The following SLIT3 variants were observed in gnomAD, a reference collection of about 807,000 sequenced individuals.
SLIT3 encodes slit homolog 3 protein.
Under a neutral mutation model 184.0 loss-of-function variants are expected in SLIT3, and 68 were observed. That is an observed-to-expected ratio of 0.37 (90% CI 0.30 to 0.45). SLIT3 has a LOEUF of 0.45. Ranked by LOEUF, SLIT3 falls within the 20% of genes least tolerant of loss-of-function variation. The pLI is 1.00. For missense variants in SLIT3, 1,707 were observed against 2,026.0 expected, an observed-to-expected ratio of 0.84 and a Z score of 3.02; for synonymous variants, 831 against 828.6, an observed-to-expected ratio of 1.00 and a Z score of -0.05.
intron 3 of SLIT3, among the ~76,000 whole-genome samples, chr5:169,237,259 G>A (rs573878867): frequency 3.3e-5 from 5 of 151,736 alleles, no homozygotes; most frequent in Admixed American, 6.6e-5. Context: ...AAATTTGCAC[G>A]CATTATAGTT....
At chr5:169,148,720 G>C (rs1468355557) in intron 4 of SLIT3, among the ~76,000 whole-genome samples, 1 of 152,188 alleles carries the variant, frequency 6.6e-6, no homozygotes, top group Non-Finnish European at 1.5e-5. Context: ...TTGGTGCTCA[G>C]TATAAAATGT....
intron 4 of SLIT3, among the ~76,000 whole-genome samples, chr5:169,007,318 T>C (rs1252964630): frequency 2.0e-5 from 3 of 152,220 alleles, no homozygotes; most frequent in African/African-American, 7.2e-5. Flanking sequence ...ATACAACCTG[T>C]ATACTGCCAA....
intron 1 of SLIT3, among the ~76,000 whole-genome samples, chr5:169,271,722 G>A (rs1766623967): frequency 1.3e-5 from 2 of 152,222 alleles, no homozygotes; most frequent in Admixed American, 1.3e-4. Context: ...AAGCTACAGA[G>A]TGCTTCAAAC....
intron 4 of SLIT3, among the ~76,000 whole-genome samples, chr5:169,079,001 TGGA>T (rs1273302690): frequency 1.3e-5 from 2 of 152,218 alleles, no homozygotes; most frequent in Non-Finnish European, 2.9e-5. Flanking sequence ...CACAGAATTC[TGGA>T]GGAGATTGGA....
intron 4 of SLIT3, among the ~76,000 whole-genome samples, chr5:169,089,554 G>A (rs781187107): frequency 6.6e-6 from 1 of 152,046 alleles, no homozygotes; most frequent in African/African-American, 2.4e-5. Flanking sequence ...CCCAAATCCC[G>A]TGCACTCTCT....
chr5:169,282,262 A>G (rs2113648147), intron 1 of SLIT3, among the ~76,000 whole-genome samples: 1 of 152,248 alleles, frequency 6.6e-6, no homozygotes, highest in South Asian at 2.1e-4. Flanking sequence ...CTGTCACCTC[A>G]ATATATTTCC....
chr5:169,022,919 A>G (rs1398049139), intron 4 of SLIT3: 1 of 152,188 alleles, frequency 6.6e-6, no homozygotes, highest in Non-Finnish European at 1.5e-5. Context: ...TTTGTTCCAC[A>G]AGAAAATGGG....
chr5:168,848,768 T>C (rs1206477154), intron 5 of SLIT3, among the ~76,000 whole-genome samples: 1 of 152,026 alleles, frequency 6.6e-6, no homozygotes, highest in Non-Finnish European at 1.5e-5. Flanking sequence ...CCAGCGTGAG[T>C]GAGGACTTAA....
chr5:168,765,493 G>A (rs539034696), intron 14 of SLIT3, among the ~76,000 whole-genome samples: 2 of 152,064 alleles, frequency 1.3e-5, no homozygotes, highest in Admixed American at 6.5e-5. Flanking sequence ...GAAAAAGTTC[G>A]TTCCCCAGTC....
At chr5:169,077,573 TA>T (rs560604942) in intron 4 of SLIT3, among the ~76,000 whole-genome samples, 1 of 151,838 alleles carries the variant, frequency 6.6e-6, no homozygotes, top group South Asian at 2.1e-4. Flanking sequence ...AAAACAGTAA[TA>T]CATATAAAAT....
intron 4 of SLIT3, among the ~76,000 whole-genome samples, chr5:169,054,421 C>T (rs1757920403): frequency 6.6e-6 from 1 of 152,072 alleles, no homozygotes. Flanking sequence ...TGAGAGAATA[C>T]ATTTCCATTG....
intron 3 of SLIT3, among the ~76,000 whole-genome samples, chr5:169,197,366 A>G (rs993608304): frequency 6.6e-6 from 1 of 152,080 alleles, no homozygotes; most frequent in African/African-American, 2.4e-5. Flanking sequence ...ACTCATATTT[A>G]CTGAGTAAAT....
At chr5:169,213,728 A>C (rs972185958) in intron 3 of SLIT3, among the ~76,000 whole-genome samples, 1 of 152,238 alleles carries the variant, frequency 6.6e-6, no homozygotes, top group African/African-American at 2.4e-5. Context: ...TCCCACTAGA[A>C]TATAAATTCC....
intron 4 of SLIT3, among the ~76,000 whole-genome samples, chr5:169,103,289 T>C (rs1417305939): frequency 6.6e-6 from 1 of 152,220 alleles, no homozygotes. Flanking sequence ...TTGTGTAAAA[T>C]AGACAAGTCA....
chr5:169,276,654 G>C (rs999912697), intron 1 of SLIT3, among the ~76,000 whole-genome samples: 6 of 152,158 alleles, frequency 3.9e-5, no homozygotes, highest in Admixed American at 6.5e-5. Context: ...TATCATCTTT[G>C]TGTTCCACAG....
intron 20 of SLIT3, among the ~76,000 whole-genome samples, chr5:168,726,910 C>T (rs1307875860): frequency 2.0e-5 from 3 of 151,734 alleles, no homozygotes; most frequent in Non-Finnish European, 4.4e-5. Flanking sequence ...ACTCAGGCGG[C>T]TGAGGCAGGA....
At chr5:169,200,220 C>T (rs1356161879) in intron 3 of SLIT3, among the ~76,000 whole-genome samples, 1 of 152,228 alleles carries the variant, frequency 6.6e-6, no homozygotes. Flanking sequence ...CATCAAATCC[C>T]CTCCTTTCCT....
At chr5:168,937,276 G>A (rs960569661) in intron 4 of SLIT3, among the ~76,000 whole-genome samples, 5 of 152,080 alleles carry the variant, frequency 3.3e-5, no homozygotes, top group African/African-American at 7.2e-5. Context: ...TTTCATTATC[G>A]TTTCTACCCT....
At chr5:168,687,857 A>C (rs1340646606) in intron 29 of SLIT3, among the ~76,000 whole-genome samples, 2 of 152,238 alleles carry the variant, frequency 1.3e-5, no homozygotes, top group African/African-American at 2.4e-5. Context: ...TGCCTTAATA[A>C]GTGGCTCATA....
Sources: gnomAD v4.1 joint callset for allele counts (sites outside exome capture counted in the v4.1 genomes callset) on GRCh38, gnomAD v4.1.1 for gene constraint, MANE v1.5 for transcripts, NCBI Gene and HGNC (gene_info 2026-07-23, HGNC 2026-07-21) for gene names.